The following PAPPA2 variants were observed in gnomAD, a reference collection of about 807,000 sequenced individuals.
PAPPA2 encodes pappalysin 2.
In PAPPA2, 86 loss-of-function variants were observed where a neutral mutation model predicts 176.4. That is an observed-to-expected ratio of 0.49 (90% CI 0.41 to 0.58). The LOEUF is 0.58. Ranked by LOEUF, PAPPA2 falls within the 20% of genes least tolerant of loss-of-function variation. The pLI, the probability that PAPPA2 is intolerant of heterozygous loss-of-function variation, is 0.00. For synonymous variants in PAPPA2, 809 were observed against 852.2 expected, an observed-to-expected ratio of 0.95 and a Z score of 0.88; for missense variants, 2,073 against 2,256.9, an observed-to-expected ratio of 0.92 and a Z score of 1.65.
chr1:176,664,244 A>G (rs1011543125), intron 3 of PAPPA2, among the ~76,000 whole-genome samples: 2 of 152,186 alleles, frequency 1.3e-5, no homozygotes, highest in Admixed American at 1.3e-4. Context: ...TTTAACATAA[A>G]TCTCACTAGG....
chr1:176,666,530 G>A (rs1658648581), intron 3 of PAPPA2, among the ~76,000 whole-genome samples: 1 of 148,774 alleles, frequency 6.7e-6, no homozygotes, highest in African/African-American at 2.5e-5. Context: ...TCGGGAAAAG[G>A]GAATACAAAT....
At chr1:176,485,158 G>A (rs369677088) in intron 1 of PAPPA2, among the ~76,000 whole-genome samples, 9 of 152,150 alleles carry the variant, frequency 5.9e-5, no homozygotes, top group East Asian at 1.9e-4. Context: ...CACAATCTCA[G>A]CATCAGCAAG....
intron 17 of PAPPA2, among the ~76,000 whole-genome samples, chr1:176,774,162 T>C (rs79640458): frequency 2.4e-4 from 36 of 152,332 alleles, no homozygotes; most frequent in African/African-American, 8.7e-4. Context: ...TCTAGCTTTT[T>C]TTCCTTTGCC....
chr1:176,702,895 T>A (rs984274016), intron 9 of PAPPA2, among the ~76,000 whole-genome samples, 160 bp downstream of exon 9: 12 of 152,046 alleles, frequency 7.9e-5, no homozygotes, highest in African/African-American at 2.4e-5. Context: ...CACCATTTGA[T>A]TCTAGTGTTG....
chr1:176,668,732 T>G (rs1297259133), intron 3 of PAPPA2, among the ~76,000 whole-genome samples: 3 of 152,220 alleles, frequency 2.0e-5, no homozygotes, highest in African/African-American at 7.2e-5. Flanking sequence ...TAAGGGTTTC[T>G]TCTATCAATT....
At chr1:176,685,037 G>A (rs1659766688) in intron 4 of PAPPA2, among the ~76,000 whole-genome samples, 1 of 150,780 alleles carries the variant, frequency 6.6e-6, no homozygotes, top group Non-Finnish European at 1.5e-5. Flanking sequence ...GCAATGCCTG[G>A]TTTCACTCTG....
intron 1 of PAPPA2, among the ~76,000 whole-genome samples, chr1:176,535,052 A>G (rs947531486): frequency 1.3e-5 from 2 of 152,196 alleles, no homozygotes; most frequent in African/African-American, 4.8e-5. Context: ...GAAGGTTGCA[A>G]TACAAAATAG....
At chr1:176,691,345 T>C (rs1346104952) in intron 5 of PAPPA2, 1 of 215,366 alleles carries the variant, frequency 4.6e-6, no homozygotes, top group Non-Finnish European at 7.9e-6. Flanking sequence ...ATGAGCCGAT[T>C]CTGTCTGTCA....
At chr1:176,773,236 T>G (rs994120606) in intron 17 of PAPPA2, among the ~76,000 whole-genome samples, 1 of 152,220 alleles carries the variant, frequency 6.6e-6, no homozygotes, top group Non-Finnish European at 1.5e-5. Context: ...AATCTTAGTT[T>G]ACATCTGTTT....
At position 176,497,155 on chromosome 1, in the gene PAPPA2, GATT is replaced by G. The variant is rs776547661; in HGVS notation, c.-917+33740_-917+33742del. On this transcript the variant is annotated intron_variant, in intron 1 of 22. Coordinates refer to ENST00000367662, the MANE Select transcript of PAPPA2 (RefSeq NM_020318.3). ...CACCAATGTGTCTAAGTCCCAGTTAGATTATATAAAGTCTTCACGTGTTATCTT... is the reference window on the plus strand; with the variant it reads ...CACCAATGTGTCTAAGTCCCAGTTAGATATAAAGTCTTCACGTGTTATCTT... 8.0e-4 allele frequency among the ~76,000 whole-genome samples: 122 copies of G among 152,248 alleles called. 2 individuals are homozygous for G. The highest frequency in any genetic ancestry group is 1.6e-3 in the Non-Finnish European group (108 of 68,022).
rs1337111032 is a variant in PAPPA2, at chr1:176,769,902, C to A, written c.4501+118C>A. On this transcript the variant is annotated intron_variant, in intron 16 of 22. Transcript: ENST00000367662. ...TTTCCTATTTGCTCCACTGTGTCAC[C>A]ATCTTCTGATAACTCCAGAAAAGTC... 32 of 1,133,256 alleles carry A rather than the reference C, an allele frequency of 2.8e-5. No homozygotes were observed. The Admixed American group carries it at 8.7e-4, about 31-fold the overall frequency. The allele number at this position is 1,133,256 out of a possible 1,614,324, so 70.2% of individuals were successfully genotyped here. A position where few individuals can be genotyped will look rare whatever the true frequency, so the allele number is the denominator to read the frequency against.
intron 12 of PAPPA2, among the ~76,000 whole-genome samples, chr1:176,726,510 A>G (rs1558545299): frequency 6.6e-6 from 1 of 152,206 alleles, no homozygotes; most frequent in Non-Finnish European, 1.5e-5. Context: ...GAGCATATTG[A>G]TAATATCTTT....
intron 1 of PAPPA2, among the ~76,000 whole-genome samples, chr1:176,541,967 A>G (rs1250240315): frequency 6.6e-6 from 1 of 152,240 alleles, no homozygotes; most frequent in Non-Finnish European, 1.5e-5. Flanking sequence ...ATGTCAACAT[A>G]AAGAAAAATA....
At chr1:176,564,740 A>G (rs1302991713) in intron 2 of PAPPA2, among the ~76,000 whole-genome samples, 1 of 87,434 alleles carries the variant, frequency 1.1e-5, no homozygotes, top group Admixed American at 1.1e-4. Flanking sequence ...TTTTTTTTTT[A>G]GAAAAAAGCA....
intron 3 of PAPPA2, among the ~76,000 whole-genome samples, chr1:176,633,426 T>A (rs369860422): frequency 1.7e-4 from 26 of 152,236 alleles, no homozygotes; most frequent in African/African-American, 6.3e-4. Context: ...CTTGGAGAAG[T>A]GTTGCATCTT....
chr1:176,651,652 T>G (rs1285615192), intron 3 of PAPPA2, among the ~76,000 whole-genome samples: 1 of 151,660 alleles, frequency 6.6e-6, no homozygotes, highest in Non-Finnish European at 1.5e-5. Flanking sequence ...GAATTTTATC[T>G]CTTTCTCAAG....
intron 14 of PAPPA2, among the ~76,000 whole-genome samples, chr1:176,753,081 C>A (rs1663255219): frequency 6.6e-6 from 1 of 152,168 alleles, no homozygotes; most frequent in Non-Finnish European, 1.5e-5. Context: ...TCCTAATAGT[C>A]CCCAGAGAAT....
At chr1:176,664,929 A>G (rs966582979) in intron 3 of PAPPA2, among the ~76,000 whole-genome samples, 2 of 152,248 alleles carry the variant, frequency 1.3e-5, no homozygotes, top group Non-Finnish European at 2.9e-5. Context: ...AACAATATTC[A>G]CCACTATGTC....
Position 176,699,603 on chromosome 1 carries a change from C to A in PAPPA2, c.3236+14C>A. The A allele has an allele frequency of 6.3e-7, 1 of 1,588,714 alleles. No individual in the cohort carries two copies. Among genetic ancestry groups the A allele is most frequent in the Non-Finnish European group, 8.6e-7 (1 of 1,163,450 alleles). ...GTTCACGGACGTGTGAGTTTGGTAG[C>A]ATGACTATGGGGCTTCCTGAGGCTC... On this transcript the variant is annotated intron_variant, in intron 8 of 22. Coordinates refer to ENST00000367662, the MANE Select transcript of PAPPA2 (RefSeq NM_020318.3).
Sources: allele counts gnomAD v4.1 joint callset (sites outside exome capture counted in the v4.1 genomes callset), GRCh38; gene constraint gnomAD v4.1.1; transcripts MANE v1.5; gene names NCBI Gene and HGNC (gene_info 2026-07-23, HGNC 2026-07-21).